TCF12: variants seen among roughly 807,000 people sequenced by gnomAD.
TCF12 encodes transcription factor 12, also known as DNA-binding protein HTF4.
TCF12 carries 45 observed loss-of-function variants against 86.0 expected under a neutral mutation model. That is an observed-to-expected ratio of 0.52 (90% CI 0.41 to 0.67). TCF12 has a LOEUF of 0.67. TCF12 is among the 30% of genes least tolerant of loss of function. TCF12 has a pLI of 0.00. For missense variants in TCF12, 881 were observed against 859.9 expected (o/e 1.02, Z -0.31); for synonymous variants, 330 against 299.6 (o/e 1.10, Z -1.05).
At chr15:57,081,645 C>A (rs1260168310) in intron 4 of TCF12, among the ~76,000 whole-genome samples, 1 of 152,188 alleles carries the variant, frequency 6.6e-6, no homozygotes, top group African/African-American at 2.4e-5. Flanking sequence ...TCAAGCGATT[C>A]TCCTACCTCA....
At chr15:57,095,332 C>A (rs970321510) in intron 5 of TCF12, among the ~76,000 whole-genome samples, 10 of 152,168 alleles carry the variant, frequency 6.6e-5, no homozygotes, top group African/African-American at 2.4e-4. Context: ...TTGATCCTCT[C>A]ATTAATTTCA....
At chr15:56,963,321 C>A (rs1156319436) in intron 3 of TCF12, among the ~76,000 whole-genome samples, 1 of 152,132 alleles carries the variant, frequency 6.6e-6, no homozygotes, top group Non-Finnish European at 1.5e-5. Flanking sequence ...CCCTTGAACT[C>A]TGGCTGTGGT....
chr15:57,258,608 A>G (rs1449524451), intron 16 of TCF12, among the ~76,000 whole-genome samples: 1 of 152,196 alleles, frequency 6.6e-6, no homozygotes, highest in Non-Finnish European at 1.5e-5. Flanking sequence ...ATAAGTCCTG[A>G]TAAAATTTAA....
At chr15:56,925,083 C>G (rs1308981086) in intron 3 of TCF12, among the ~76,000 whole-genome samples, 1 of 152,182 alleles carries the variant, frequency 6.6e-6, no homozygotes, top group Admixed American at 6.5e-5. Flanking sequence ...CCTGTAATCC[C>G]AGCTACTCAG....
At chr15:56,964,727 G>C (rs2061927721) in intron 3 of TCF12, among the ~76,000 whole-genome samples, 1 of 152,088 alleles carries the variant, frequency 6.6e-6, no homozygotes, top group South Asian at 2.1e-4. Context: ...ATAAGTTTGT[G>C]GTCAGAATTT....
chr15:57,186,355 C>T (rs757119669), intron 6 of TCF12, among the ~76,000 whole-genome samples: 4 of 152,040 alleles, frequency 2.6e-5, no homozygotes, highest in Admixed American at 1.3e-4. Flanking sequence ...TAAAATTAAC[C>T]GAGTGTGATG....
intron 4 of TCF12, among the ~76,000 whole-genome samples, chr15:57,071,250 T>C (rs573194330): frequency 3.6e-4 from 41 of 114,438 alleles, no homozygotes; most frequent in Non-Finnish European, 6.0e-4. Context: ...CTACAAAAAA[T>C]AGAAAAAAAA....
At chr15:56,962,553 G>T (rs1320789464) in intron 3 of TCF12, among the ~76,000 whole-genome samples, 2 of 152,102 alleles carry the variant, frequency 1.3e-5, no homozygotes, top group African/African-American at 4.8e-5. Flanking sequence ...TGAAGAAAAA[G>T]ACTAGAATGT....
chr15:56,952,711 C>T (rs916739802), intron 3 of TCF12, among the ~76,000 whole-genome samples: 7 of 152,150 alleles, frequency 4.6e-5, no homozygotes, highest in African/African-American at 1.4e-4. Flanking sequence ...TTTTATATAG[C>T]GACATTGTAT....
chr15:56,997,977 T>C (rs1295277977), intron 3 of TCF12, among the ~76,000 whole-genome samples: 1 of 152,136 alleles, frequency 6.6e-6, no homozygotes, highest in African/African-American at 2.4e-5. Flanking sequence ...ACATTACATA[T>C]TGATAAAAGA....
At chr15:57,172,095 G>A (rs1050705301) in intron 6 of TCF12, among the ~76,000 whole-genome samples, 15 of 151,720 alleles carry the variant, frequency 9.9e-5, no homozygotes, top group African/African-American at 3.6e-4. Context: ...TATACCATTT[G>A]GTTTTTCCTT....
intron 5 of TCF12, among the ~76,000 whole-genome samples, chr15:57,136,532 A>C (rs1224012068): frequency 1.3e-5 from 2 of 152,244 alleles, no homozygotes; most frequent in Non-Finnish European, 2.9e-5. Flanking sequence ...GGTATGAAAA[A>C]TAGCTATCAA....
At chr15:57,021,668 A>T (rs1232179220) in intron 3 of TCF12, among the ~76,000 whole-genome samples, 1 of 152,132 alleles carries the variant, frequency 6.6e-6, no homozygotes, top group Non-Finnish European at 1.5e-5. Context: ...AACCTAACAG[A>T]TAGGAGTTCT....
At chr15:57,066,670 C>T (rs1422248384) in intron 4 of TCF12, among the ~76,000 whole-genome samples, 1 of 152,028 alleles carries the variant, frequency 6.6e-6, no homozygotes, top group African/African-American at 2.4e-5. Context: ...TACAATATAC[C>T]TGCTTTAAAC....
At chr15:57,265,480 G>A (rs2060819116) in intron 18 of TCF12, among the ~76,000 whole-genome samples, 1 of 152,120 alleles carries the variant, frequency 6.6e-6, no homozygotes, top group Admixed American at 6.5e-5. Flanking sequence ...ATAGGCTGCA[G>A]CCTCCCCCGA....
intron 1 of TCF12, 67 bp from the exon 2 acceptor site, chr15:56,919,825 T>A: frequency 7.0e-7 from 1 of 1,420,164 alleles, no homozygotes; most frequent in Non-Finnish European, 9.9e-7. Flanking sequence ...CCCCAGTACC[T>A]CTCTCTGTTC....
intron 15 of TCF12, among the ~76,000 whole-genome samples, chr15:57,252,890 C>T (rs1226110314): frequency 2.7e-5 from 4 of 150,292 alleles, no homozygotes; most frequent in Non-Finnish European, 4.4e-5. Flanking sequence ...CCCCAAATTG[C>T]CATCATTCAA....
intron 6 of TCF12, among the ~76,000 whole-genome samples, chr15:57,182,149 A>G (rs955823288): frequency 2.0e-5 from 3 of 152,318 alleles, no homozygotes; most frequent in Admixed American, 1.3e-4. Context: ...CTCCAGGACA[A>G]GATCAGTAGT....
chr15:56,994,133 A>G (rs1436359859), intron 3 of TCF12, among the ~76,000 whole-genome samples: 2 of 152,214 alleles, frequency 1.3e-5, no homozygotes, highest in African/African-American at 4.8e-5. Context: ...GCAGAATGTA[A>G]TGGCAGGAAA....
Sources: allele counts gnomAD v4.1 joint callset (sites outside exome capture counted in the v4.1 genomes callset), GRCh38; gene constraint gnomAD v4.1.1; transcripts MANE v1.5; gene names NCBI Gene and HGNC (gene_info 2026-07-23, HGNC 2026-07-21).